Variants in ST8SIA1 observed in about 807,000 individuals in gnomAD.
The protein encoded by ST8SIA1 is alpha-N-acetylneuraminide alpha-2,8-sialyltransferase.
Under a neutral mutation model 35.9 loss-of-function variants are expected in ST8SIA1, and 16 were observed. The ratio of observed to expected loss-of-function variants is 0.45; its 90% CI spans 0.30 to 0.68. ST8SIA1 has a LOEUF of 0.68. ST8SIA1 is among the 30% of genes least tolerant of loss of function. The probability of loss-of-function intolerance (pLI) is 0.09; values close to 1 mark genes in which losing one functional copy is unlikely to be tolerated. For missense variants in ST8SIA1, 383 were observed against 453.6 expected, an observed-to-expected ratio of 0.84 and a Z score of 1.41; for synonymous variants, 170 against 169.6, an observed-to-expected ratio of 1.00 and a Z score of -0.02.
chr12:22,206,408 G>C (rs1234461774), intron 4 of ST8SIA1, among the ~76,000 whole-genome samples: 1 of 152,128 alleles, frequency 6.6e-6, no homozygotes, highest in East Asian at 1.9e-4. Context: ...TCAGATTATG[G>C]GGTAGCAGAG....
chr12:22,222,244 A>C (rs1865308206), intron 4 of ST8SIA1, among the ~76,000 whole-genome samples: 1 of 152,212 alleles, frequency 6.6e-6, no homozygotes, highest in African/African-American at 2.4e-5. Flanking sequence ...GGGCAGTCAA[A>C]TCATCCCTCA....
intron 2 of ST8SIA1, among the ~76,000 whole-genome samples, chr12:22,275,294 C>T (rs372270790): frequency 5.1e-4 from 78 of 152,306 alleles, no homozygotes; most frequent in African/African-American, 7.2e-4. Context: ...TGGCTCACGC[C>T]TGTAATCCCA....
intron 4 of ST8SIA1, among the ~76,000 whole-genome samples, chr12:22,202,307 T>C (rs1865056997): frequency 6.6e-6 from 1 of 152,214 alleles, no homozygotes; most frequent in Non-Finnish European, 1.5e-5. Flanking sequence ...ATACATTTGT[T>C]CTCTCCCAGA....
chr12:22,240,053 T>G (rs1383584206), intron 4 of ST8SIA1, among the ~76,000 whole-genome samples: 3 of 152,194 alleles, frequency 2.0e-5, no homozygotes, highest in Non-Finnish European at 4.4e-5. Context: ...TATTAAATAA[T>G]ATGTTTTATC....
intron 2 of ST8SIA1, among the ~76,000 whole-genome samples, chr12:22,273,205 C>T (rs74068796): frequency 2.6e-5 from 4 of 152,160 alleles, no homozygotes; most frequent in Admixed American, 6.5e-5. Context: ...GTTAAATCCT[C>T]GGACTGGATT....
In ST8SIA1 at chr12:22,330,098, G is replaced by A. The variant is rs531616641; in HGVS notation, c.236+3899C>T. Among the ~76,000 whole-genome samples, 6 of 152,110 alleles carry A rather than the reference G, an allele frequency of 3.9e-5. No individual in the cohort carries two copies. In the East Asian group the frequency reaches 5.8e-4, roughly 15 times the overall value. ...ACATCAGGCACTTCCAAATCTCTCC[G>A]CCTTGATCTTTGCTGTTCTCTCTGC... On this transcript the variant is annotated intron_variant, in intron 1 of 4. Coordinates refer to ENST00000396037, the MANE Select transcript of ST8SIA1 (RefSeq NM_003034.4).
chr12:22,201,843 T>C lies in ST8SIA1; in HGVS notation c.780A>G (p.Gly260=), dbSNP rs1215515211. 6.2e-7 allele frequency: 1 copy of C among 1,614,096 alleles called. No homozygotes were observed. Among genetic ancestry groups the C allele is most frequent in the South Asian group, 1.1e-5 (1 of 91,080 alleles). The part of the protein sequence containing the change: ...FANPNFLRSI[G]KFWKSRGIHA... ...GGATTCCTCTACTTTTCCAGAACTTTCCAATGCTACGCAGAAAGTTGGGGT... is the reference window on the plus strand; with the variant it reads ...GGATTCCTCTACTTTTCCAGAACTTCCCAATGCTACGCAGAAAGTTGGGGT... Residue 260 remains glycine, a synonymous_variant, in exon 5 of 5, where the codon GGA becomes GGG. Coordinates refer to ENST00000396037, the MANE Select transcript of ST8SIA1 (RefSeq NM_003034.4).
At chr12:22,231,019 G>T (rs1865413211) in intron 4 of ST8SIA1, among the ~76,000 whole-genome samples, 1 of 151,938 alleles carries the variant, frequency 6.6e-6, no homozygotes, top group Admixed American at 6.6e-5. Flanking sequence ...CAAAAAACTA[G>T]AAATATGTTG....
At chr12:22,214,807 A>T (rs767936522) in intron 4 of ST8SIA1, among the ~76,000 whole-genome samples, 1 of 152,224 alleles carries the variant, frequency 6.6e-6, no homozygotes, top group Non-Finnish European at 1.5e-5. Context: ...AATGCATGTC[A>T]TGTCATTTAA....
intron 4 of ST8SIA1, among the ~76,000 whole-genome samples, chr12:22,226,544 T>A (rs1032587387): frequency 3.3e-5 from 5 of 152,170 alleles, no homozygotes; most frequent in Non-Finnish European, 5.9e-5. Flanking sequence ...TTACTTTTTT[T>A]AATTCTTTAT....
chr12:22,242,871 T>C (rs1865556299), intron 4 of ST8SIA1, among the ~76,000 whole-genome samples: 1 of 152,190 alleles, frequency 6.6e-6, no homozygotes, highest in African/African-American at 2.4e-5. Flanking sequence ...AATCAGAGGA[T>C]GAATGTGACT....
At chr12:22,214,525 GA>G (rs11361771) in intron 4 of ST8SIA1, among the ~76,000 whole-genome samples, 114,740 of 151,772 alleles carry the variant, frequency 0.76, 43,526 homozygotes, top group South Asian at 0.91. Flanking sequence ...AAGTTAAAAA[GA>G]AAAAAAATAA....
At position 22,334,313 on chromosome 12, in the gene ST8SIA1, C is replaced by T; in HGVS notation, c.-81G>A. 1.8e-6 allele frequency: 2 copies of T among 1,097,832 alleles called. No individual in the cohort carries two copies. The highest frequency in any genetic ancestry group is 2.5e-5 in the East Asian group (1 of 40,374). The allele number at this position is 1,097,832 out of a possible 1,614,324, so 68.0% of individuals were successfully genotyped here. A position where few individuals can be genotyped will look rare whatever the true frequency, so the allele number is the denominator to read the frequency against. Reference sequence around the variant, plus strand: ...AGTGGCAGCGGAGGGTCCCCCACCGCCAGCCCCCCATGCACACACACCTTT... The same window carrying T: ...AGTGGCAGCGGAGGGTCCCCCACCGTCAGCCCCCCATGCACACACACCTTT... On this transcript the variant is annotated 5_prime_UTR_variant, in exon 1 of 5. The change creates a premature stop within an existing upstream ORF in the 5' untranslated region. Coordinates refer to ENST00000396037, the MANE Select transcript of ST8SIA1 (RefSeq NM_003034.4).
Position 22,221,814 on chromosome 12 carries a change from G to C in ST8SIA1, c.585-19776C>G, listed in dbSNP as rs190792678. 1.4e-4 allele frequency among the ~76,000 whole-genome samples: 22 copies of C among 152,294 alleles called. No individual in the cohort carries two copies. The East Asian group carries it at 4.1e-3, about 28-fold the overall frequency. On this transcript the variant is annotated intron_variant, in intron 4 of 4. Coordinates refer to ENST00000396037, the MANE Select transcript of ST8SIA1 (RefSeq NM_003034.4). ...ACCTATATTAGATGTAGGGCAAATAGTAATTTCTTCCATTTCTAAGTGTCC... is the reference window on the plus strand; with the variant it reads ...ACCTATATTAGATGTAGGGCAAATACTAATTTCTTCCATTTCTAAGTGTCC...
At chr12:22,242,332 A>G (rs889404968) in intron 4 of ST8SIA1, among the ~76,000 whole-genome samples, 1 of 152,212 alleles carries the variant, frequency 6.6e-6, no homozygotes, top group Non-Finnish European at 1.5e-5. Context: ...TTTGAATTAC[A>G]GTAGTCCATC....
chr12:22,221,106 A>C (rs1460951782), intron 4 of ST8SIA1, among the ~76,000 whole-genome samples: 3 of 152,138 alleles, frequency 2.0e-5, no homozygotes, highest in African/African-American at 7.2e-5. Context: ...TAGCACCAAG[A>C]TGGCTCCCTC....
intron 4 of ST8SIA1, among the ~76,000 whole-genome samples, chr12:22,206,951 A>C (rs1348271776): frequency 6.6e-6 from 1 of 152,236 alleles, no homozygotes; most frequent in Non-Finnish European, 1.5e-5. Context: ...TTAGGTAATA[A>C]GAAAGTGCTG....
Position 22,245,154 on chromosome 12 carries a change from C to T in ST8SIA1, c.584+3852G>A, listed in dbSNP as rs144946791. Among the ~76,000 whole-genome samples, 4 of 152,314 alleles carry T rather than the reference C, an allele frequency of 2.6e-5. No homozygotes were observed. In the East Asian group the frequency reaches 7.7e-4, roughly 29 times the overall value. On this transcript the variant is annotated intron_variant, in intron 4 of 4. Coordinates refer to ENST00000396037, the MANE Select transcript of ST8SIA1 (RefSeq NM_003034.4). ...TACATAACTTTTTAAGTTTAACACACACATACACATGCATGCATCATTAGG... is the reference window on the plus strand; with the variant it reads ...TACATAACTTTTTAAGTTTAACACATACATACACATGCATGCATCATTAGG...
At chr12:22,247,460 A>C (rs374127080) in intron 4 of ST8SIA1, among the ~76,000 whole-genome samples, 2 of 151,178 alleles carry the variant, frequency 1.3e-5, no homozygotes. Flanking sequence ...TTTAATAAAA[A>C]AATTTCTTGT....
Sources: gnomAD v4.1 joint callset for allele counts (sites outside exome capture counted in the v4.1 genomes callset) on GRCh38, gnomAD v4.1.1 for gene constraint, MANE v1.5 for transcripts, NCBI Gene and HGNC (gene_info 2026-07-23, HGNC 2026-07-21) for gene names.